Variants in MTMR10 observed in about 807,000 individuals in gnomAD.
MTMR10 encodes the protein myotubularin-related protein 10.
MTMR10 carries 56 observed loss-of-function variants against 88.1 expected under a neutral mutation model. The ratio of observed to expected loss-of-function variants is 0.64; its 90% CI spans 0.51 to 0.79. MTMR10 has a LOEUF of 0.79. Among genes scored for constraint, MTMR10 ranks in the 30% least tolerant of loss-of-function variants. The pLI is 0.00. For synonymous variants in MTMR10, 380 were observed against 340.9 expected (o/e 1.11, Z -1.26); for missense variants, 883 against 924.7 (o/e 0.95, Z 0.58).
Position 30,939,036 on chromosome 15 carries a change from T to G in MTMR10, c.*2434A>C. The G allele has an allele frequency of 1.0e-6, 1 of 985,444 alleles. No homozygotes were observed. The allele number at this position is 985,444 out of a possible 1,614,324, so 61.0% of individuals were successfully genotyped here. Reference sequence around the variant, plus strand: ...AACACATCTTCTTGCTCATCCCACTTGAACTCAAGTCATCAATTTTAGGCA... The same window carrying G: ...AACACATCTTCTTGCTCATCCCACTGGAACTCAAGTCATCAATTTTAGGCA... On this transcript the variant is annotated 3_prime_UTR_variant, in exon 16 of 16. Transcript: ENST00000435680.
At chr15:30,973,576 C>G (rs1416427117) in intron 5 of MTMR10, among the ~76,000 whole-genome samples, 1 of 152,084 alleles carries the variant, frequency 6.6e-6, no homozygotes, top group African/African-American at 2.4e-5. Context: ...AAGCCACGTC[C>G]TATTATACTA....
chr15:30,959,308 T>C (rs1595923809), intron 7 of MTMR10, among the ~76,000 whole-genome samples, 187 bp from the exon 8 acceptor site: 1 of 152,200 alleles, frequency 6.6e-6, no homozygotes, highest in Admixed American at 6.5e-5. Flanking sequence ...TGGTGCGATA[T>C]GACCAATTCT....
rs565563888 is a variant in MTMR10, at chr15:30,989,021, T to A, written c.121+1756A>T. On this transcript the variant is annotated intron_variant, in intron 2 of 15. Coordinates refer to ENST00000435680, the MANE Select transcript of MTMR10 (RefSeq NM_017762.3). The stretch of plus-strand genomic sequence containing the variant: ...AAAAAAAAAAATTTAAAAAAAATTT[T>A]AAAAAATTAAAAAGCAAGCACTGAC... Among the ~76,000 whole-genome samples the A allele has an allele frequency of 3.4e-3, 513 of 151,718 alleles. 3 individuals carry two copies. Among genetic ancestry groups the A allele is most frequent in the African/African-American group, 0.011 (467 of 41,386 alleles).
At chr15:30,976,600 A>G (rs2030170586) in intron 3 of MTMR10, among the ~76,000 whole-genome samples, 1 of 152,184 alleles carries the variant, frequency 6.6e-6, no homozygotes, top group South Asian at 2.1e-4. Context: ...ACAGAGGATA[A>G]ATAAAGCAAG....
intron 8 of MTMR10, 24 bp from the exon 9 acceptor site, chr15:30,958,975 C>A (rs1217319242): frequency 6.2e-7 from 1 of 1,613,870 alleles, no homozygotes; most frequent in East Asian, 2.2e-5. Flanking sequence ...AGAATCCTTA[C>A]TTCACTGTGT....
At chr15:30,991,312 G>T (rs1248844286) in intron 1 of MTMR10, 135 bp downstream of exon 1, 16 of 919,406 alleles carry the variant, frequency 1.7e-5, no homozygotes, top group East Asian at 6.2e-5. Flanking sequence ...GCGGCGCCGG[G>T]AATCAGGCAG....
chr15:30,935,475 TAAAC>T (rs559190442), downstream of MTMR10, among the ~76,000 whole-genome samples: 160 of 152,198 alleles, frequency 1.1e-3, 1 homozygote, highest in Middle Eastern at 6.8e-3. Flanking sequence ...ACTACAACAA[TAAAC>T]AAATCAAATA....
At chr15:30,990,936 GAC>G in intron 1 of MTMR10, 99 bp from the exon 2 acceptor site, 6 of 924,382 alleles carry the variant, frequency 6.5e-6, no homozygotes, top group Non-Finnish European at 9.9e-6. Context: ...ACATGCGAAA[GAC>G]ACACAGCCCC....
chr15:30,988,323 G>A (rs1279769398), intron 2 of MTMR10, among the ~76,000 whole-genome samples: 1 of 152,130 alleles, frequency 6.6e-6, no homozygotes. Context: ...CTAAATGTTG[G>A]GTAAGGATAA....
chr15:30,947,264 G>A lies in MTMR10; in HGVS notation c.1414C>T (p.Gln472Ter). The A allele has an allele frequency of 6.2e-7, 1 of 1,613,654 alleles. No homozygotes were observed. Among genetic ancestry groups the A allele is most frequent in the Non-Finnish European group, 8.5e-7 (1 of 1,179,820 alleles). Residue 472 changes from glutamine (Q) to a stop codon, truncating the protein, a stop_gained, in exon 14 of 16, where the codon CAG (glutamine) becomes TAG (stop). Transcript: ENST00000435680. LOFTEE classifies it high-confidence loss of function. ...LFLLFLDATW[Q>*]LLEQYPAAFE... ...GCTGCAGGATATTGTTCTAACAGCTGCCAGGTGGCATCCAAGAATAGCAAA... is the reference window on the plus strand; with the variant it reads ...GCTGCAGGATATTGTTCTAACAGCTACCAGGTGGCATCCAAGAATAGCAAA...
the MTMR10 span, chr15:30,926,569 T>C: frequency 1.7e-5 from 16 of 957,324 alleles, no homozygotes; most frequent in Non-Finnish European, 2.0e-5. Flanking sequence ...TTCTGATGAG[T>C]GTTGAGATTC....
intron 5 of MTMR10, among the ~76,000 whole-genome samples, chr15:30,973,310 T>C (rs974428239): frequency 6.6e-6 from 1 of 152,146 alleles, no homozygotes; most frequent in African/African-American, 2.4e-5. Flanking sequence ...TCTACTCTGC[T>C]AGACAGTCAC....
chr15:30,939,972 A>C lies in MTMR10; in HGVS notation c.*1498T>G. 1.0e-6 allele frequency: 1 copy of C among 981,930 alleles called. No homozygotes were observed. The highest frequency in any genetic ancestry group is 1.2e-6 in the Non-Finnish European group (1 of 826,710). The allele number at this position is 981,930 out of a possible 1,614,324, so 60.8% of individuals were successfully genotyped here. On this transcript the variant is annotated 3_prime_UTR_variant, in exon 16 of 16. Coordinates refer to ENST00000435680, the MANE Select transcript of MTMR10 (RefSeq NM_017762.3). ...CTCCTGTCCTGTTATATCCAGAGAC[A>C]TTATCAAATTTTAAAAGGCAAATAA... is the stretch of plus-strand genomic sequence containing the variant.
chr15:30,929,846 AATATATATC>A, the MTMR10 span, among the ~76,000 whole-genome samples: 1 of 78,284 alleles, frequency 1.3e-5, no homozygotes, highest in African/African-American at 7.5e-5. Context: ...TAATATATAA[AATATATATC>A]ATATATAATA....
chr15:30,919,994 A>G, the MTMR10 span, among the ~76,000 whole-genome samples: 705 of 152,346 alleles, frequency 4.6e-3, 4 homozygotes, highest in African/African-American at 0.016. Flanking sequence ...ACAGAGGTTG[A>G]TAAACTTCTG....
intron 5 of MTMR10, among the ~76,000 whole-genome samples, chr15:30,971,070 G>A (rs1196234108): frequency 6.6e-6 from 1 of 152,038 alleles, no homozygotes; most frequent in African/African-American, 2.4e-5. Context: ...GGAACACTCC[G>A]AGAAGAGAAA....
Position 30,941,635 on chromosome 15 carries a change from A to AG in MTMR10, c.2168dup (p.His724SerfsTer48). 1 of 1,608,192 alleles carries AG rather than the reference A, an allele frequency of 6.2e-7. No individual in the cohort carries two copies. The highest frequency in any genetic ancestry group is 1.1e-5 in the South Asian group (1 of 90,254). ...GTGTCCCCGAGGTGTCGGTGTGGTG[A>AG]GGGCCGCTGGCGTTGAAGTACATCC... is the stretch of plus-strand genomic sequence containing the variant. On this transcript the variant is annotated frameshift_variant, in exon 16 of 16. Transcript: ENST00000435680. LOFTEE classifies it high-confidence loss of function.
intron 5 of MTMR10, among the ~76,000 whole-genome samples, chr15:30,973,483 A>G (rs1435790531): frequency 2.0e-5 from 3 of 152,120 alleles, no homozygotes; most frequent in Non-Finnish European, 2.9e-5. Flanking sequence ...TCAACAGAAG[A>G]TTTACTGCAG....
chr15:30,960,826 T>C (rs1458670036), intron 7 of MTMR10, 55 bp downstream of exon 7: 72 of 1,439,314 alleles, frequency 5.0e-5, no homozygotes, highest in Non-Finnish European at 6.6e-5. Context: ...GTTTGATGAT[T>C]ATTCATAGGG....
Sources: allele counts gnomAD v4.1 joint callset (sites outside exome capture counted in the v4.1 genomes callset), GRCh38; gene constraint gnomAD v4.1.1; transcripts MANE v1.5; gene names NCBI Gene and HGNC (gene_info 2026-07-23, HGNC 2026-07-21).